TECTA: variants seen among roughly 807,000 people sequenced by gnomAD.
The protein encoded by TECTA is tectorin alpha.
TECTA carries 128 observed loss-of-function variants against 216.8 expected under a neutral mutation model. That is an observed-to-expected ratio of 0.59 (90% confidence interval 0.51 to 0.68). The LOEUF (loss-of-function observed/expected upper bound fraction) is 0.68, where lower values mean the gene tolerates loss of function less well. TECTA is among the 30% of genes least tolerant of loss of function. The probability of loss-of-function intolerance (pLI) is 0.00; values close to 1 mark genes in which losing one functional copy is unlikely to be tolerated. For missense variants in TECTA, 2,551 were observed against 2,786.2 expected (o/e 0.92, Z 1.90); for synonymous variants, 1,089 against 1,117.1 (o/e 0.97, Z 0.50).
chr11:121,114,576 G>A (rs1209507257), intron 6 of TECTA, among the ~76,000 whole-genome samples: 1 of 92,476 alleles, frequency 1.1e-5, no homozygotes, highest in Non-Finnish European at 2.1e-5. Context: ...CATCTATCCA[G>A]CTACCCACCC....
chr11:121,168,958 A>G, intron 20 of TECTA, 33 bp downstream of exon 20: 1 of 1,613,876 alleles, frequency 6.2e-7, no homozygotes, highest in Non-Finnish European at 8.5e-7. Flanking sequence ...ACATTCTCAG[A>G]GCTTCAGGTA....
rs776803331 is a variant in TECTA, at chr11:121,137,609, C to G, written c.3130C>G (p.Gln1044Glu). 1 of 1,613,912 alleles carries G rather than the reference C, an allele frequency of 6.2e-7. No homozygotes were observed. Among genetic ancestry groups the G allele is most frequent in the South Asian group, 1.1e-5 (1 of 91,056 alleles). The change falls in exon 11 of 24, where the codon CAA becomes GAA. Residue 1044 changes from glutamine (Q) to glutamate (E), a missense_variant. Coordinates refer to ENST00000392793, the MANE Select transcript of TECTA (RefSeq NM_005422.4). Reference protein sequence around the residue: ...SECGCNFEGHQLATNETFWVD... With the variant: ...SECGCNFEGHELATNETFWVD... ...GTGTGGCTGCAACTTTGAGGGGCAC[C>G]AACTTGCCACCAATGAGACCTTCTG...
intron 20 of TECTA, among the ~76,000 whole-genome samples, chr11:121,177,846 C>T (rs1031178698): frequency 2.0e-5 from 3 of 152,168 alleles, no homozygotes; most frequent in African/African-American, 4.8e-5. Context: ...TCGAGCTTCC[C>T]GGCTGCTTTG....
chr11:121,112,953 T>G, intron 4 of TECTA, 119 bp from the exon 5 acceptor site: 2 of 1,294,466 alleles, frequency 1.5e-6, no homozygotes, highest in Non-Finnish European at 1.1e-6. Context: ...AGGGCCTGGC[T>G]GCAGAGCAGC....
At position 121,103,954 on chromosome 11, in the gene TECTA, A is replaced by G. The variant is rs528705704; in HGVS notation, c.64+1225A>G. ...ATCTTGCAAACTGCCTCACCTTTGCAGCAGAAGAGGAAGTTAGGGTCATTC... is the reference window on the plus strand; with the variant it reads ...ATCTTGCAAACTGCCTCACCTTTGCGGCAGAAGAGGAAGTTAGGGTCATTC... On this transcript the variant is annotated intron_variant, in intron 2 of 23. Coordinates refer to ENST00000392793, the MANE Select transcript of TECTA (RefSeq NM_005422.4). 3.9e-5 allele frequency among the ~76,000 whole-genome samples: 6 copies of G among 152,336 alleles called. No homozygotes were observed. The South Asian group carries it at 8.3e-4, about 21-fold the overall frequency.
At chr11:121,143,865 C>T (rs1395703241) in intron 11 of TECTA, among the ~76,000 whole-genome samples, 1 of 152,218 alleles carries the variant, frequency 6.6e-6, no homozygotes, top group African/African-American at 2.4e-5. Flanking sequence ...AAGGTGCAGA[C>T]CAGCTTTAGC....
intron 20 of TECTA, among the ~76,000 whole-genome samples, chr11:121,182,925 CT>C (rs1183483859): frequency 1.3e-5 from 2 of 152,198 alleles, no homozygotes; most frequent in African/African-American, 4.8e-5. Context: ...TTCAGGCCCC[CT>C]GAAGGTGTAT....
chr11:121,104,474 G>C (rs961386732), intron 2 of TECTA, among the ~76,000 whole-genome samples: 1 of 152,100 alleles, frequency 6.6e-6, no homozygotes, highest in Non-Finnish European at 1.5e-5. Context: ...GATTAGTTTT[G>C]CTGCTCTCCT....
intron 20 of TECTA, among the ~76,000 whole-genome samples, chr11:121,174,674 T>C (rs1197676721): frequency 1.3e-5 from 2 of 152,032 alleles, no homozygotes; most frequent in Non-Finnish European, 2.9e-5. Context: ...TGTCTCTGCC[T>C]GGCTTTGGTA....
Position 121,118,323 on chromosome 11 carries a change from G to C in TECTA, c.808G>C (p.Gly270Arg), listed in dbSNP as rs200001522. 1.7e-5 allele frequency: 27 copies of C among 1,614,054 alleles called. No individual in the cohort carries two copies. The Admixed American group carries it at 3.7e-4, about 22-fold the overall frequency. ...TTCCCCAGGACAATTCCTTCGGCGAGGGGAGGTGTTTTGGGATGACTTGAA... is the reference window on the plus strand; with the variant it reads ...TTCCCCAGGACAATTCCTTCGGCGACGGGAGGTGTTTTGGGATGACTTGAA... ...CTSRGQFLRRGEVFWDDLNCT... is the reference protein window; with the variant it reads ...CTSRGQFLRRREVFWDDLNCT... The change falls in exon 7 of 24, where the codon GGG (glycine) becomes CGG (arginine). Residue 270 changes from glycine (G) to arginine (R), a missense_variant. Gly to Arg is a moderately radical substitution (Grantham distance 125). Coordinates refer to ENST00000392793, the MANE Select transcript of TECTA (RefSeq NM_005422.4).
intron 14 of TECTA, among the ~76,000 whole-genome samples, chr11:121,158,880 TC>T (rs1192459253): frequency 6.6e-6 from 1 of 152,172 alleles, no homozygotes; most frequent in Non-Finnish European, 1.5e-5. Context: ...AATATGGCTC[TC>T]CGACTTGAAT....
chr11:121,181,494 AG>A (rs1947229005), intron 20 of TECTA, among the ~76,000 whole-genome samples: 1 of 119,992 alleles, frequency 8.3e-6, no homozygotes, highest in Non-Finnish European at 1.7e-5. Flanking sequence ...TTTGAAATGG[AG>A]TTTTGCTCTT....
rs762213652 is a variant in TECTA at position 121,130,054 on chromosome 11, G to A, written c.2784G>A (p.Gly928=). The A allele has an allele frequency of 1.9e-6, 3 of 1,614,104 alleles. No individual in the cohort carries two copies. The highest frequency in any genetic ancestry group is 2.2e-5 in the South Asian group (2 of 91,076). The change falls in exon 10 of 24, where the codon GGG becomes GGA. Residue 928 remains glycine, a synonymous_variant. Transcript: ENST00000392793. ...ACAGCTCCTTCCTGGAGTGCCATGG[G>A]GTGGTGAACGTCACTGCCTATTACC... ...PSNSSFLECH[G]VVNVTAYYRT...
rs778979756 is a variant in TECTA, at chr11:121,129,914, G to C, written c.2644G>C (p.Glu882Gln). Residue 882 changes from glutamate (E) to glutamine (Q), a missense_variant, in exon 10 of 24, where the codon GAG (glutamate) becomes CAG (glutamine). Glu to Gln is a conservative substitution (Grantham distance 29). Around this residue, in one of 3 missense-constraint regions of TECTA, gnomAD observed 2,375 missense variants for 2,563.9 expected, o/e 0.93. Transcript: ENST00000392793. ...GTTCCTGGAAAGCTGGACAACTTTC[G>C]AGGAGATCTGCAATGGAGAGTGTGG... is the stretch of plus-strand genomic sequence containing the variant. The part of the protein sequence containing the change: ...AVFLESWTTF[E>Q]EICNGECGDL... The C allele has an allele frequency of 1.2e-6, 2 of 1,613,652 alleles. No individual in the cohort carries two copies. Among genetic ancestry groups the C allele is most frequent in the Non-Finnish European group, 1.7e-6 (2 of 1,179,782 alleles).
chr11:121,137,043 G>A (rs192843226), intron 10 of TECTA, among the ~76,000 whole-genome samples: 4 of 152,322 alleles, frequency 2.6e-5, no homozygotes, highest in Admixed American at 2.6e-4. Context: ...TCTCCCAAAT[G>A]AGGATGACTA....
In TECTA at chr11:121,105,928, A is replaced by G. The variant is rs1312099818; in HGVS notation, c.162A>G (p.Pro54=). The part of the protein sequence containing the change: ...GSSSEIKLAI[P]VFFFGVPYRT... ...CATCTGAGATTAAGTTGGCCATCCC[A>G]GTTTTCTTCTTTGGCGTTCCTTACC... Residue 54 remains proline (P), a synonymous_variant, in exon 3 of 24, where the codon CCA becomes CCG. Transcript: ENST00000392793. The surrounding 1 kb of genome is among the most constrained non-coding windows in gnomAD (Gnocchi z 5.3). The G allele has an allele frequency of 1.2e-6, 2 of 1,614,204 alleles. No individual in the cohort carries two copies. The highest frequency in any genetic ancestry group is 1.7e-6 in the Non-Finnish European group (2 of 1,180,034).
intron 20 of TECTA, among the ~76,000 whole-genome samples, chr11:121,181,474 G>GTT (rs1947228588): frequency 1.5e-5 from 2 of 136,324 alleles, no homozygotes; most frequent in South Asian, 5.6e-4. Flanking sequence ...TTATTATTAT[G>GTT]ATTTTATTTT....
intron 7 of TECTA, among the ~76,000 whole-genome samples, chr11:121,120,427 G>A (rs1267736733): frequency 1.3e-5 from 2 of 152,220 alleles, no homozygotes; most frequent in East Asian, 3.8e-4. Flanking sequence ...AGACTGGCTC[G>A]ATGGATGGCA....
At position 121,157,896 on chromosome 11, in the gene TECTA, G is replaced by T. The variant is rs1490567542; in HGVS notation, c.4361G>T (p.Arg1454Leu). 6.2e-7 allele frequency: 1 copy of T among 1,614,226 alleles called. No homozygotes were observed. The highest frequency in any genetic ancestry group is 8.5e-7 in the Non-Finnish European group (1 of 1,180,048). Residue 1454 changes from arginine to leucine, a missense_variant, in exon 14 of 24, where the codon CGC becomes CTC. Physicochemically the swap from Arg to Leu is moderately radical, Grantham distance 102 (BLOSUM62 -2). Coordinates refer to ENST00000392793, the MANE Select transcript of TECTA (RefSeq NM_005422.4). ...DCTRRCRCFR[R>L]NVIQCDPRQC... ...ACGCGGCGCTGCCGCTGTTTCCGTC[G>T]CAACGTGATTCAGTGCGACCCGCGC...
Sources: gnomAD v4.1 joint callset for allele counts (sites outside exome capture counted in the v4.1 genomes callset) on GRCh38, gnomAD v4.1.1 for gene constraint, gnomAD v4.1.1 regional missense constraint, Gnocchi (gnomAD v3.1) non-coding constraint, MANE v1.5 for transcripts, NCBI Gene and HGNC (gene_info 2026-07-23, HGNC 2026-07-21) for gene names.